DOP1A: variants seen among roughly 807,000 people sequenced by gnomAD.
DOP1A encodes the protein DOP1 leucine zipper like protein A, also known as protein DOP1A.
DOP1A carries 90 observed loss-of-function variants against 267.6 expected under a neutral mutation model. The ratio of observed to expected loss-of-function variants is 0.34; its 90% CI spans 0.28 to 0.40. DOP1A has a LOEUF of 0.40. Ranked by LOEUF, DOP1A falls within the 10% of genes least tolerant of loss-of-function variation. DOP1A has a pLI of 1.00. For synonymous variants in DOP1A, 932 were observed against 999.1 expected (o/e 0.93, Z 1.27); for missense variants, 2,437 against 2,900.4 (o/e 0.84, Z 3.67).
chr6:83,070,744 C>G (rs955393202), intron 1 of DOP1A, among the ~76,000 whole-genome samples: 4 of 148,026 alleles, frequency 2.7e-5, no homozygotes, highest in African/African-American at 1.0e-4. Context: ...TTTCATCATT[C>G]TTCTCTGTTC....
intron 38 of DOP1A, chr6:83,164,945 T>A (rs1188606188): frequency 4.4e-6 from 2 of 455,630 alleles, no homozygotes; most frequent in African/African-American, 4.1e-5. Flanking sequence ...CATCAGAAAC[T>A]CTGAATCAAG....
At chr6:83,170,807 A>G (rs545145474), downstream of DOP1A, 2 of 184,252 alleles carry the variant, frequency 1.1e-5, no homozygotes, top group East Asian at 2.7e-4. Flanking sequence ...ACCGATAAGA[A>G]TTTCTTAAAT....
At position 83,130,063 on chromosome 6, in the gene DOP1A, TAG is replaced by T. The variant is rs1488910975; in HGVS notation, c.2342-57_2342-56del. 3.2e-6 allele frequency: 5 copies of T among 1,560,810 alleles called. No homozygotes were observed. In the Admixed American group the frequency reaches 9.1e-5, roughly 29 times the overall value. On this transcript the variant is annotated intron_variant, in intron 16 of 38. Coordinates refer to ENST00000349129, the MANE Select transcript of DOP1A (RefSeq NM_015018.4). Reference sequence around the variant, plus strand: ...GTGGCTTTGTTTTTTGAAATTAACTTAGAGTGTGTGTGAAATGTTTAGTATAA... The same window carrying T: ...GTGGCTTTGTTTTTTGAAATTAACTTAGTGTGTGTGAAATGTTTAGTATAA...
chr6:83,096,174 A>G (rs1220501956), intron 1 of DOP1A, among the ~76,000 whole-genome samples: 3 of 151,892 alleles, frequency 2.0e-5, no homozygotes, highest in Non-Finnish European at 2.9e-5. Context: ...TGCAGCCTTG[A>G]ACTCTTGGAC....
At chr6:83,073,822 C>G (rs1442123564) in intron 1 of DOP1A, among the ~76,000 whole-genome samples, 1 of 152,158 alleles carries the variant, frequency 6.6e-6, no homozygotes, top group African/African-American at 2.4e-5. Context: ...TGTAGTTCCT[C>G]CCCACATGGG....
intron 1 of DOP1A, among the ~76,000 whole-genome samples, chr6:83,080,477 A>G (rs1767898203): frequency 6.6e-6 from 1 of 152,184 alleles, no homozygotes; most frequent in Non-Finnish European, 1.5e-5. Context: ...TCCCTTTGCC[A>G]AGAGAAAAAA....
At chr6:83,113,878 T>C (rs1774975873) in intron 7 of DOP1A, among the ~76,000 whole-genome samples, 1 of 152,300 alleles carries the variant, frequency 6.6e-6, no homozygotes, top group Middle Eastern at 3.4e-3. Flanking sequence ...TGCAACTAAG[T>C]TGACAAATAA....
chr6:83,104,192 A>G (rs1582947417), intron 4 of DOP1A, among the ~76,000 whole-genome samples: 1 of 152,076 alleles, frequency 6.6e-6, no homozygotes, highest in Non-Finnish European at 1.5e-5. Context: ...TGTTCTTTCT[A>G]ATAGCTTTTG....
intron 27 of DOP1A, among the ~76,000 whole-genome samples, chr6:83,150,586 A>G (rs1781457031): frequency 2.0e-5 from 3 of 152,326 alleles, no homozygotes; most frequent in Admixed American, 2.0e-4. Flanking sequence ...ACCTAATTAA[A>G]AAATAGATAT....
chr6:83,119,011 A>G, intron 8 of DOP1A, 24 bp downstream of exon 8: 1 of 1,597,602 alleles, frequency 6.3e-7, no homozygotes, highest in Non-Finnish European at 8.6e-7. Flanking sequence ...GTCTGTGGTC[A>G]TGATTGGGGA....
chr6:83,073,363 C>T (rs1187719510), intron 1 of DOP1A, among the ~76,000 whole-genome samples: 3 of 152,094 alleles, frequency 2.0e-5, no homozygotes, highest in Admixed American at 2.0e-4. Flanking sequence ...GCTGGGATTA[C>T]AGGTGTGAGC....
At chr6:83,163,155 A>C (rs142534054) in intron 38 of DOP1A, among the ~76,000 whole-genome samples, 189 of 151,162 alleles carry the variant, frequency 1.3e-3, no homozygotes, top group African/African-American at 3.6e-3. Context: ...AAGAAAAAGG[A>C]AGGCTTTTGT....
At chr6:83,081,960 A>C (rs895603497) in intron 1 of DOP1A, among the ~76,000 whole-genome samples, 4 of 152,216 alleles carry the variant, frequency 2.6e-5, no homozygotes, top group Admixed American at 2.6e-4. Context: ...GGTAACTGCA[A>C]ATCAAAACTA....
chr6:83,164,671 G>C, intron 38 of DOP1A: 2 of 1,581,810 alleles, frequency 1.3e-6, no homozygotes, highest in Non-Finnish European at 1.7e-6. Flanking sequence ...ACAAGGAGGA[G>C]GACTTTAAGA....
chr6:83,072,868 T>C, intron 1 of DOP1A: 1 of 200,372 alleles, frequency 5.0e-6, no homozygotes, highest in Non-Finnish European at 1.1e-5. Flanking sequence ...TTTGCTTCTG[T>C]TCAGAATGAT....
chr6:83,068,686 A>C (rs2127930905), intron 1 of DOP1A, among the ~76,000 whole-genome samples: 1 of 152,336 alleles, frequency 6.6e-6, no homozygotes, highest in East Asian at 1.9e-4. Context: ...ATAAGTTCTC[A>C]CATTTTAATT....
intron 38 of DOP1A, among the ~76,000 whole-genome samples, chr6:83,164,167 G>A (rs568544094): frequency 4.7e-5 from 7 of 149,174 alleles, no homozygotes; most frequent in African/African-American, 1.5e-4. Context: ...TAATCAGGCA[G>A]CAGCTCTTAA....
chr6:83,135,585 G>T, intron 19 of DOP1A, 34 bp from the exon 20 acceptor site: 1 of 1,583,894 alleles, frequency 6.3e-7, no homozygotes, highest in South Asian at 1.1e-5. Flanking sequence ...GTAGATGTTT[G>T]GTTCTTTATT....
chr6:83,083,124 A>G (rs1768433708), intron 1 of DOP1A, among the ~76,000 whole-genome samples: 2 of 152,228 alleles, frequency 1.3e-5, no homozygotes, highest in African/African-American at 2.4e-5. Flanking sequence ...CCACTCTTTT[A>G]TAGATAACAA....
Sources: allele counts gnomAD v4.1 joint callset (sites outside exome capture counted in the v4.1 genomes callset), GRCh38; gene constraint gnomAD v4.1.1; transcripts MANE v1.5; gene names NCBI Gene and HGNC (gene_info 2026-07-23, HGNC 2026-07-21).